CROCC2: variants seen among roughly 807,000 people sequenced by gnomAD.
CROCC2 encodes ciliary rootlet coiled-coil protein 2.
CROCC2 carries 163 observed loss-of-function variants against 177.6 expected under a neutral mutation model. That is an observed-to-expected ratio of 0.92 (90% confidence interval 0.81 to 1.05). CROCC2 has a LOEUF of 1.05. Among genes scored for constraint, CROCC2 ranks in the 50% least tolerant of loss-of-function variants. CROCC2 has a pLI of 0.00. For synonymous variants in CROCC2, 904 were observed against 787.3 expected (o/e 1.15, Z -2.48); for missense variants, 1,929 against 1,797.8 (o/e 1.07, Z -1.32).
intron 26 of CROCC2, 186 bp downstream of exon 26, chr2:240,967,651 A>C: frequency 3.3e-6 from 3 of 898,118 alleles, no homozygotes; most frequent in Non-Finnish European, 4.0e-6. Flanking sequence ...CGGAGTTCTC[A>C]GCAGCGACTT....
At chr2:240,925,956 T>C in intron 5 of CROCC2, 76 bp downstream of exon 5, 1 of 633,614 alleles carries the variant, frequency 1.6e-6, no homozygotes, top group South Asian at 1.8e-5. Context: ...GGCAGGGACA[T>C]GGTGAGGGTG....
chr2:240,966,266 AGCCCCCCAGCCAGGCCCCACTC>A lies in CROCC2; in HGVS notation c.4009_4030del (p.Pro1337SerfsTer49), dbSNP rs1213467758. ...GGCTCTCCCTGGGCAACAGGGTACC[AGCCCCCCAGCCAGGCCCCACTC>A]GCCCCTCCGATGGCCCTCGCCCACA... On this transcript the variant is annotated frameshift_variant, in exon 25 of 32. Transcript: ENST00000690015. LOFTEE classifies it high-confidence loss of function. 6 of 572,026 alleles carry A rather than the reference AGCCCCCCAGCCAGGCCCCACTC, an allele frequency of 1.0e-5. No homozygotes were observed. In the East Asian group the frequency reaches 2.1e-4, roughly 20 times the overall value. The allele number at this position is 572,026 out of a possible 1,614,324, so 35.4% of individuals were successfully genotyped here.
intron 14 of CROCC2, among the ~76,000 whole-genome samples, chr2:240,942,113 T>A (rs1372675125): frequency 2.6e-5 from 4 of 152,244 alleles, no homozygotes; most frequent in Non-Finnish European, 5.9e-5. Context: ...TTAATAAATT[T>A]CTGTTCTTTA....
intron 27 of CROCC2, among the ~76,000 whole-genome samples, chr2:240,968,509 G>A (rs1205778013): frequency 2.0e-5 from 3 of 152,228 alleles, no homozygotes; most frequent in Non-Finnish European, 4.4e-5. Flanking sequence ...TCCTTACGGT[G>A]GTTCTAGCCC....
chr2:240,932,405 G>A lies in CROCC2; in HGVS notation c.1035G>A (p.Leu345=), dbSNP rs1334910487. Residue 345 remains leucine (L), a synonymous_variant, in exon 8 of 32, where the codon CTG becomes CTA. Coordinates refer to ENST00000690015, the MANE Select transcript of CROCC2 (RefSeq NM_001351305.2). ...AKTIAALRTD[L]QNLVAQEDAR... Reference sequence around the variant, plus strand: ...CCATCGCTGCCCTCAGAACCGACCTGCAGAACCTGGTTGGTGGGCAGGACG... The same window carrying A: ...CCATCGCTGCCCTCAGAACCGACCTACAGAACCTGGTTGGTGGGCAGGACG... 5 of 717,370 alleles carry A rather than the reference G, an allele frequency of 7.0e-6. No individual in the cohort carries two copies. Among genetic ancestry groups the A allele is most frequent in the Admixed American group, 6.0e-5 (3 of 49,994 alleles). 44.4% of individuals were successfully genotyped at this position (717,370 alleles called of 1,614,324 possible).
At chr2:240,969,909 A>G (rs2059709715) in intron 27 of CROCC2, among the ~76,000 whole-genome samples, 1 of 152,204 alleles carries the variant, frequency 6.6e-6, no homozygotes, top group South Asian at 2.1e-4. Flanking sequence ...TTGTATTTTT[A>G]GTAGAGACAG....
intron 29 of CROCC2, 109 bp from the exon 30 acceptor site, chr2:240,989,545 G>A (rs1690289119): frequency 9.3e-7 from 1 of 1,075,804 alleles, no homozygotes; most frequent in Non-Finnish European, 1.3e-6. Context: ...CCGGCAGAGG[G>A]CAGTGGGGCC....
intron 20 of CROCC2, 140 bp from the exon 21 acceptor site, chr2:240,963,416 T>A (rs966942166): frequency 9.2e-5 from 77 of 835,760 alleles, no homozygotes; most frequent in Non-Finnish European, 4.5e-5. Flanking sequence ...GGTGGCTCCA[T>A]GGGGTGAGCA....
Position 240,965,892 on chromosome 2 carries a change from A to C in CROCC2, c.3860A>C (p.Glu1287Ala). The C allele has an allele frequency of 7.0e-7, 1 of 1,434,798 alleles. No individual in the cohort carries two copies. The highest frequency in any genetic ancestry group is 9.2e-7 in the Non-Finnish European group (1 of 1,092,576). 88.9% of individuals were successfully genotyped at this position (1,434,798 alleles called of 1,614,324 possible). A position where few individuals can be genotyped will look rare whatever the true frequency, so the allele number is the denominator to read the frequency against. Residue 1287 changes from glutamate (E) to alanine (A), a missense_variant, in exon 24 of 32, where the codon GAG (glutamate) becomes GCG (alanine). Glu to Ala is a moderately radical substitution (Grantham distance 107, BLOSUM62 -1). This residue lies in a region of CROCC2 where 144 missense variants were observed against 205.2 expected (regional missense o/e 0.70). Transcript: ENST00000690015. ...GCTGAGGGTGCAAGGCAGGATGCGG[A>C]GGCCCAGCTGGGCCGGCTGTGCTCC... The part of the protein sequence containing the change: ...AQAEGARQDA[E>A]AQLGRLCSTL...
intron 14 of CROCC2, among the ~76,000 whole-genome samples, chr2:240,938,160 T>A: frequency 6.6e-6 from 1 of 152,248 alleles, no homozygotes; most frequent in East Asian, 1.9e-4. Context: ...CAAGACTTAC[T>A]GAATCAGAAA....
intron 18 of CROCC2, among the ~76,000 whole-genome samples, chr2:240,951,662 A>T (rs2059557531): frequency 6.6e-6 from 1 of 151,220 alleles, no homozygotes. Context: ...CCACACAGCT[A>T]TCCACAACCC....
intron 14 of CROCC2, among the ~76,000 whole-genome samples, chr2:240,940,486 G>T (rs1226418877): frequency 6.6e-6 from 1 of 151,946 alleles, no homozygotes; most frequent in Non-Finnish European, 1.5e-5. Flanking sequence ...CTTATTTAAA[G>T]TGTGTGCCAC....
In CROCC2 at chr2:240,933,825, AG is replaced by A; in HGVS notation, c.1620del (p.Glu540AspfsTer35). 6.5e-7 allele frequency: 1 copy of A among 1,547,900 alleles called. No homozygotes were observed. The highest frequency in any genetic ancestry group is 8.7e-7 in the Non-Finnish European group (1 of 1,146,624). Reference sequence around the variant, plus strand: ...AGGGAGGAGCTGGCTCTGCGGAGGGAGCGGAGCTGCAGGGCACTGGAGACCA... The same window carrying A: ...AGGGAGGAGCTGGCTCTGCGGAGGGACGGAGCTGCAGGGCACTGGAGACCA... Reference protein sequence around the residue: ...ERREELALRRERSCRALETSQ... With the variant: ...ERREELALRRXRSCRALETSQ... On this transcript the variant is annotated frameshift_variant, in exon 11 of 32. Coordinates refer to ENST00000690015, the MANE Select transcript of CROCC2 (RefSeq NM_001351305.2). LOFTEE classifies it high-confidence loss of function.
At chr2:240,948,936 G>T (rs1433312664) in intron 15 of CROCC2, 43 bp from the exon 16 acceptor site, 1 of 1,537,462 alleles carries the variant, frequency 6.5e-7, no homozygotes. Context: ...TTACACGCAG[G>T]ATCTTGGGGA....
At chr2:240,914,137 G>A (rs1481723339) in intron 1 of CROCC2, among the ~76,000 whole-genome samples, 1 of 152,222 alleles carries the variant, frequency 6.6e-6, no homozygotes, top group African/African-American at 2.4e-5. Context: ...ACACAGGGGA[G>A]GAGAACTGCA....
At chr2:240,911,031 T>C (rs1479520376) in intron 1 of CROCC2, among the ~76,000 whole-genome samples, 1 of 152,006 alleles carries the variant, frequency 6.6e-6, no homozygotes, top group Non-Finnish European at 1.5e-5. Flanking sequence ...CTCAGGAGGC[T>C]GAGGCAGGAG....
chr2:240,983,161 C>T, intron 28 of CROCC2, 132 bp downstream of exon 28: 2 of 995,734 alleles, frequency 2.0e-6, no homozygotes, highest in East Asian at 5.3e-5. Context: ...ATGCTGGAGG[C>T]AGGTGAGCAG....
rs185679054 is a variant in CROCC2 at position 240,906,712 on chromosome 2, C to A, written c.78+121C>A. On this transcript the variant is annotated intron_variant, in intron 1 of 31. Transcript: ENST00000690015. ...ACCTTCCTGGCTCCCGGGGCACTTT[C>A]CACTTGCTCACGTGTTTGCCTTGAG... The A allele has an allele frequency of 8.6e-4, 344 of 397,918 alleles. 3 individuals carry two copies. Among genetic ancestry groups the A allele is most frequent in the African/African-American group, 6.4e-3 (311 of 48,766 alleles). 24.6% of individuals were successfully genotyped at this position (397,918 alleles called of 1,614,324 possible).
At chr2:240,920,205 G>A (rs768466158) in intron 3 of CROCC2, 71 bp downstream of exon 3, 19 of 598,332 alleles carry the variant, frequency 3.2e-5, no homozygotes, top group African/African-American at 1.9e-4. Context: ...GTCACTTGTC[G>A]GGACGGCAGT....
Sources: allele counts gnomAD v4.1 joint callset (sites outside exome capture counted in the v4.1 genomes callset), GRCh38; gene constraint gnomAD v4.1.1; regional missense constraint gnomAD v4.1.1; transcripts MANE v1.5; gene names NCBI Gene and HGNC (gene_info 2026-07-23, HGNC 2026-07-21).